The following LRRC4C variants were observed in gnomAD, a reference collection of about 807,000 sequenced individuals.
LRRC4C encodes the protein leucine rich repeat containing 4C.
LRRC4C carries 5 observed loss-of-function variants against 33.6 expected under a neutral mutation model. The observed-to-expected ratio is 0.15, with a 90% CI of 0.08 to 0.31. The LOEUF (loss-of-function observed/expected upper bound fraction) is 0.31, where lower values mean the gene tolerates loss of function less well. Among genes scored for constraint, LRRC4C ranks in the 10% least tolerant of loss-of-function variants. The probability of loss-of-function intolerance (pLI) is 1.00; values close to 1 mark genes in which losing one functional copy is unlikely to be tolerated. For missense variants in LRRC4C, 560 were observed against 796.7 expected, an observed-to-expected ratio of 0.70 and a Z score of 3.58; for synonymous variants, 329 against 302.0, an observed-to-expected ratio of 1.09 and a Z score of -0.93.
At chr11:41,295,849 C>T (rs1950126518) in intron 1 of LRRC4C, among the ~76,000 whole-genome samples, 1 of 152,172 alleles carries the variant, frequency 6.6e-6, no homozygotes, top group African/African-American at 2.4e-5. Flanking sequence ...TTCATTTAGA[C>T]ATCTATTGGC....
chr11:40,607,486 T>A (rs1960747910), intron 3 of LRRC4C, among the ~76,000 whole-genome samples: 2 of 152,076 alleles, frequency 1.3e-5, no homozygotes, highest in African/African-American at 4.8e-5. Flanking sequence ...AACACACTGA[T>A]AGATGCTGGC....
intron 3 of LRRC4C, among the ~76,000 whole-genome samples, chr11:40,336,951 TGG>T (rs139278657): frequency 0.21 from 25,115 of 121,706 alleles, 2,739 homozygotes; most frequent in African/African-American, 0.35. Context: ...CACTCCAGCC[TGG>T]GGGACAGAGC....
At chr11:41,167,099 G>C (rs1231876162) in intron 1 of LRRC4C, among the ~76,000 whole-genome samples, 1 of 151,990 alleles carries the variant, frequency 6.6e-6, no homozygotes, top group Non-Finnish European at 1.5e-5. Flanking sequence ...CAGACAGATA[G>C]GTAGAAATAT....
At chr11:41,023,519 T>C (rs930972818) in intron 1 of LRRC4C, among the ~76,000 whole-genome samples, 4 of 151,760 alleles carry the variant, frequency 2.6e-5, no homozygotes, top group Non-Finnish European at 5.9e-5. Flanking sequence ...AAAATATCCC[T>C]GTAGTATATT....
At position 41,111,785 on chromosome 11, in the gene LRRC4C, T is replaced by C. The variant is rs1941844969; in HGVS notation, c.-495-178062A>G. Among the ~76,000 whole-genome samples, 3 of 152,032 alleles carry C rather than the reference T, an allele frequency of 2.0e-5. No homozygotes were observed. In the South Asian group the frequency reaches 6.2e-4, roughly 31 times the overall value. Reference sequence around the variant, plus strand: ...AACCTTTCCCTGTCTAGATTTTACATATCTGGTGGTGGTACCAACTAGCTC... The same window carrying C: ...AACCTTTCCCTGTCTAGATTTTACACATCTGGTGGTGGTACCAACTAGCTC... On this transcript the variant is annotated intron_variant, in intron 1 of 6. Transcript: ENST00000528697.
chr11:41,059,210 G>GTTTTTTTTTTTT (rs397935483), intron 1 of LRRC4C, among the ~76,000 whole-genome samples: 27,973 of 122,170 alleles, frequency 0.23, 3,776 homozygotes, highest in East Asian at 0.43. Context: ...TAAAATAAAA[G>GTTTTTTTTTTTT]TTTTTTTTTT....
intron 2 of LRRC4C, among the ~76,000 whole-genome samples, chr11:40,801,307 C>A (rs934400027): frequency 4.6e-5 from 7 of 152,120 alleles, no homozygotes; most frequent in Non-Finnish European, 7.4e-5. Context: ...AGCTGGTGTG[C>A]CCTTCCTCAC....
At chr11:40,336,901 C>T (rs530176050) in intron 3 of LRRC4C, among the ~76,000 whole-genome samples, 55 of 141,562 alleles carry the variant, frequency 3.9e-4, no homozygotes, top group African/African-American at 1.3e-3. Context: ...GGCGTGAACC[C>T]GGAAGGCGGA....
chr11:41,117,386 C>G (rs1942189033), intron 1 of LRRC4C, among the ~76,000 whole-genome samples: 1 of 152,088 alleles, frequency 6.6e-6, no homozygotes, highest in Admixed American at 6.6e-5. Context: ...ACTAGACAAG[C>G]TTTCAAATAT....
At chr11:41,434,600 G>T (rs1261800716) in intron 1 of LRRC4C, among the ~76,000 whole-genome samples, 2 of 152,264 alleles carry the variant, frequency 1.3e-5, no homozygotes, top group South Asian at 4.1e-4. Flanking sequence ...GCAAATAGAA[G>T]AATTCACTAC....
At position 41,428,735 on chromosome 11, in the gene LRRC4C, CTTCCT is replaced by C. The variant is rs150487869; in HGVS notation, c.-496+30691_-496+30695del. Among the ~76,000 whole-genome samples the C allele has an allele frequency of 4.4e-3, 671 of 152,244 alleles. 5 individuals carry two copies. Among genetic ancestry groups the C allele is most frequent in the African/African-American group, 0.015 (626 of 41,542 alleles). ...GTGCTTTTTCGCTCTCCTTTTCTCTCTTCCTTTCTTTTCCCCACAAGTATTTAATC... is the reference window on the plus strand; with the variant it reads ...GTGCTTTTTCGCTCTCCTTTTCTCTCTTCTTTTCCCCACAAGTATTTAATC... On this transcript the variant is annotated intron_variant, in intron 1 of 6. Coordinates refer to ENST00000528697, the MANE Select transcript of LRRC4C (RefSeq NM_001258419.2).
At chr11:40,228,457 A>AT (rs1864968153) in intron 5 of LRRC4C, among the ~76,000 whole-genome samples, 1 of 152,276 alleles carries the variant, frequency 6.6e-6, no homozygotes, top group African/African-American at 2.4e-5. Context: ...AAAAAAAAAA[A>AT]ATCTCTCCTA....
At chr11:40,657,656 C>A (rs962164681) in intron 2 of LRRC4C, among the ~76,000 whole-genome samples, 1 of 152,200 alleles carries the variant, frequency 6.6e-6, no homozygotes, top group Non-Finnish European at 1.5e-5. Flanking sequence ...AGTTGTCCTG[C>A]CTTTCCAGAC....
At chr11:40,391,017 G>T (rs1229575823) in intron 3 of LRRC4C, among the ~76,000 whole-genome samples, 1 of 151,998 alleles carries the variant, frequency 6.6e-6, no homozygotes, top group African/African-American at 2.4e-5. Context: ...GAGTAGCTGG[G>T]ATTACATGTG....
At chr11:41,367,957 T>C (rs1469163480) in intron 1 of LRRC4C, among the ~76,000 whole-genome samples, 1 of 152,210 alleles carries the variant, frequency 6.6e-6, no homozygotes, top group Non-Finnish European at 1.5e-5. Context: ...ACCAGGTTTT[T>C]GGTCCAAGAG....
At chr11:41,291,910 GC>G (rs1445021504) in intron 1 of LRRC4C, among the ~76,000 whole-genome samples, 3 of 152,144 alleles carry the variant, frequency 2.0e-5, no homozygotes, top group Non-Finnish European at 4.4e-5. Flanking sequence ...CATTTATTTT[GC>G]ATCTTAGGAA....
intron 6 of LRRC4C, among the ~76,000 whole-genome samples, chr11:40,134,841 C>G (rs1856863669): frequency 6.6e-6 from 1 of 152,172 alleles, no homozygotes; most frequent in Admixed American, 6.5e-5. Context: ...TCCTGCAAAT[C>G]TAGTGGCTCC....
chr11:40,272,636 C>T (rs1054900219), intron 4 of LRRC4C, among the ~76,000 whole-genome samples: 2 of 151,868 alleles, frequency 1.3e-5, no homozygotes, highest in Admixed American at 1.3e-4. Context: ...GAAAAATTGC[C>T]GCAAAGTCTG....
chr11:40,829,366 C>G (rs920185128), intron 2 of LRRC4C, among the ~76,000 whole-genome samples: 4 of 152,124 alleles, frequency 2.6e-5, no homozygotes, highest in African/African-American at 9.6e-5. Context: ...GAAAGGTTTG[C>G]AGCCCCTGGA....
Sources: gnomAD v4.1 joint callset for allele counts (sites outside exome capture counted in the v4.1 genomes callset) on GRCh38, gnomAD v4.1.1 for gene constraint, MANE v1.5 for transcripts, NCBI Gene and HGNC (gene_info 2026-07-23, HGNC 2026-07-21) for gene names.